NPAS3: variants seen among roughly 807,000 people sequenced by gnomAD.
NPAS3 encodes the protein neuronal PAS domain-containing protein 3.
NPAS3 carries 14 observed loss-of-function variants against 73.1 expected under a neutral mutation model. The observed-to-expected ratio is 0.19, with a 90% confidence interval of 0.13 to 0.30. The LOEUF (loss-of-function observed/expected upper bound fraction) is 0.30, where lower values mean the gene tolerates loss of function less well. NPAS3 is among the 10% of genes least tolerant of loss of function. The pLI, the probability that NPAS3 is intolerant of heterozygous loss-of-function variation, is 1.00. For synonymous variants in NPAS3, 620 were observed against 541.5 expected (o/e 1.14, Z -2.01); for missense variants, 1,096 against 1,250.0 (o/e 0.88, Z 1.86).
chr14:33,313,641 G>T (rs1212286484), intron 3 of NPAS3, among the ~76,000 whole-genome samples: 1 of 151,970 alleles, frequency 6.6e-6, no homozygotes, highest in Non-Finnish European at 1.5e-5. Context: ...AGGTATTTGC[G>T]GCTAAGAGGC....
At chr14:33,199,813 A>G (rs903801341) in intron 2 of NPAS3, among the ~76,000 whole-genome samples, 5 of 150,838 alleles carry the variant, frequency 3.3e-5, no homozygotes, top group African/African-American at 1.2e-4. Context: ...CAGTAGCACT[A>G]CTACTGGCTG....
At chr14:33,763,713 A>G in intron 7 of NPAS3, among the ~76,000 whole-genome samples, 1 of 152,238 alleles carries the variant, frequency 6.6e-6, no homozygotes, top group East Asian at 1.9e-4. Flanking sequence ...TTGTGTCTAC[A>G]ATGCCTTAAG....
At chr14:32,958,899 C>A (rs2036790330) in intron 1 of NPAS3, among the ~76,000 whole-genome samples, 1 of 152,168 alleles carries the variant, frequency 6.6e-6, no homozygotes, top group Non-Finnish European at 1.5e-5. Flanking sequence ...TTATTTTGCT[C>A]TGCCAAACTA....
intron 3 of NPAS3, among the ~76,000 whole-genome samples, chr14:33,227,616 T>G (rs188955731): frequency 6.6e-5 from 10 of 152,280 alleles, no homozygotes; most frequent in African/African-American, 2.2e-4. Flanking sequence ...AAAGAAAGAT[T>G]ATGTCTCCTG....
intron 1 of NPAS3, among the ~76,000 whole-genome samples, chr14:32,969,187 T>G (rs1555312069): frequency 6.6e-6 from 1 of 152,124 alleles, no homozygotes; most frequent in Non-Finnish European, 1.5e-5. Flanking sequence ...GCTGCCTGAG[T>G]GTCCTCAGAA....
At position 33,046,347 on chromosome 14, in the gene NPAS3, G is replaced by T. The variant is rs529514951; in HGVS notation, c.51-9558G>T. 4.6e-5 allele frequency among the ~76,000 whole-genome samples: 7 copies of T among 152,290 alleles called. No homozygotes were observed. In the East Asian group the frequency reaches 9.7e-4, roughly 21 times the overall value. On this transcript the variant is annotated intron_variant, in intron 1 of 11. Coordinates refer to ENST00000356141, the Ensembl canonical transcript of NPAS3. ...TGCATGCCAAGCTGTGGTTCTGGAA[G>T]AATCCTCAGGGCAGTGGTCTCACCA... is the stretch of plus-strand genomic sequence containing the variant.
intron 2 of NPAS3, among the ~76,000 whole-genome samples, chr14:33,173,188 CT>C (rs2045461322): frequency 6.6e-6 from 1 of 151,962 alleles, no homozygotes; most frequent in Non-Finnish European, 1.5e-5. Context: ...TTATTTTTTT[CT>C]CTTGAAAAAT....
At chr14:33,431,661 T>A (rs1280150351) in intron 4 of NPAS3, among the ~76,000 whole-genome samples, 1 of 152,186 alleles carries the variant, frequency 6.6e-6, no homozygotes, top group Admixed American at 6.5e-5. Context: ...AGAGTTCACC[T>A]TTTCTCATCA....
intron 4 of NPAS3, among the ~76,000 whole-genome samples, chr14:33,472,342 C>G (rs1346084364): frequency 2.0e-5 from 3 of 152,086 alleles, no homozygotes; most frequent in Non-Finnish European, 4.4e-5. Flanking sequence ...GCCTTGAAGA[C>G]TTTTTGTAAG....
At chr14:33,658,077 C>T (rs560736720) in intron 5 of NPAS3, among the ~76,000 whole-genome samples, 1 of 152,366 alleles carries the variant, frequency 6.6e-6, no homozygotes, top group East Asian at 1.9e-4. Context: ...GTTTCTTTCA[C>T]CTTTGTGGCT....
At chr14:33,443,364 C>T (rs1334663935) in intron 4 of NPAS3, among the ~76,000 whole-genome samples, 2 of 151,838 alleles carry the variant, frequency 1.3e-5, no homozygotes, top group African/African-American at 2.4e-5. Flanking sequence ...ACAGAGTTTT[C>T]TTAATTTCAT....
chr14:33,125,121 C>A (rs2043378639), intron 2 of NPAS3, among the ~76,000 whole-genome samples: 1 of 152,054 alleles, frequency 6.6e-6, no homozygotes, highest in African/African-American at 2.4e-5. Context: ...TTATCTTCTT[C>A]TTTGACTTCT....
chr14:33,478,595 A>G (rs755011077), intron 4 of NPAS3, among the ~76,000 whole-genome samples: 2 of 152,134 alleles, frequency 1.3e-5, no homozygotes, highest in African/African-American at 2.4e-5. Flanking sequence ...CTGGAATTCT[A>G]TTGTGTTAGA....
intron 4 of NPAS3, among the ~76,000 whole-genome samples, chr14:33,394,805 C>T (rs1323812517): frequency 6.6e-6 from 1 of 152,156 alleles, no homozygotes; most frequent in Non-Finnish European, 1.5e-5. Flanking sequence ...AGAGATCGAT[C>T]AGGTTGATAA....
chr14:33,011,717 G>C (rs750927912), intron 1 of NPAS3, among the ~76,000 whole-genome samples: 9 of 152,036 alleles, frequency 5.9e-5, no homozygotes, highest in Non-Finnish European at 8.8e-5. Context: ...CTTACACTTC[G>C]AAAATAATTT....
intron 4 of NPAS3, among the ~76,000 whole-genome samples, chr14:33,387,354 C>A (rs1049509083): frequency 6.6e-6 from 1 of 152,168 alleles, no homozygotes; most frequent in Non-Finnish European, 1.5e-5. Context: ...TCCTCCAACT[C>A]CATCCCCCAA....
chr14:33,792,807 C>A (rs1474558351), intron 9 of NPAS3, among the ~76,000 whole-genome samples: 2 of 152,178 alleles, frequency 1.3e-5, no homozygotes, highest in Non-Finnish European at 2.9e-5. Flanking sequence ...TTCATTTCAG[C>A]AGACGGAGGC....
At chr14:33,733,220 A>G (rs2061441953) in intron 6 of NPAS3, among the ~76,000 whole-genome samples, 1 of 152,122 alleles carries the variant, frequency 6.6e-6, no homozygotes, top group South Asian at 2.1e-4. Context: ...GAAAGGAACA[A>G]CAGTAGATTG....
intron 4 of NPAS3, among the ~76,000 whole-genome samples, chr14:33,402,467 T>A (rs1696626937): frequency 1.3e-5 from 2 of 152,022 alleles, no homozygotes; most frequent in South Asian, 4.1e-4. Context: ...GTGAGGGACA[T>A]CATCTGACCC....
Sources: gnomAD v4.1 joint callset for allele counts (sites outside exome capture counted in the v4.1 genomes callset) on GRCh38, gnomAD v4.1.1 for gene constraint, MANE v1.5 for transcripts, NCBI Gene and HGNC (gene_info 2026-07-23, HGNC 2026-07-21) for gene names.